Variants in GPR19 observed in about 807,000 individuals in gnomAD.
The protein encoded by GPR19 is G protein-coupled receptor 19.
A neutral mutation model predicts 28.5 loss-of-function variants in GPR19; 14 were observed. The observed-to-expected ratio is 0.49, with a 90% CI of 0.32 to 0.77. The LOEUF (loss-of-function observed/expected upper bound fraction) is 0.77. Ranked by LOEUF, GPR19 falls within the 30% of genes least tolerant of loss-of-function variation. The pLI, the probability that GPR19 is intolerant of heterozygous loss-of-function variation, is 0.03. For synonymous variants in GPR19, 173 were observed against 184.1 expected (o/e 0.94, Z 0.49); for missense variants, 409 against 504.1 (o/e 0.81, Z 1.81).
At chr12:12,665,819 C>CAAAAAAAAAAAAAAAAAA (rs528302150) in intron 3 of GPR19, among the ~76,000 whole-genome samples, 5 of 75,736 alleles carry the variant, frequency 6.6e-5, no homozygotes, top group South Asian at 6.5e-4. Context: ...GACTCCGTCT[C>CAAAAAAAAAAAAAAAAAA]AAAAAAAAAA....
intron 3 of GPR19, among the ~76,000 whole-genome samples, chr12:12,670,236 A>C (rs935729879): frequency 1.8e-4 from 28 of 152,342 alleles, no homozygotes; most frequent in African/African-American, 6.5e-4. Flanking sequence ...TTTTTGTAAA[A>C]GTATGTCCCA....
At chr12:12,711,947 T>C in the GPR19 span, among the ~76,000 whole-genome samples, 1 of 152,184 alleles carries the variant, frequency 6.6e-6, no homozygotes, top group African/African-American at 2.4e-5. Flanking sequence ...GAATAACTCA[T>C]CATCCTCCAA....
chr12:12,674,641 G>A (rs926354615), intron 3 of GPR19, among the ~76,000 whole-genome samples: 3 of 152,110 alleles, frequency 2.0e-5, no homozygotes, highest in African/African-American at 4.8e-5. Context: ...AGATATCCAC[G>A]TAGAGATATC....
At chr12:12,669,696 C>T (rs541552307) in intron 3 of GPR19, among the ~76,000 whole-genome samples, 1 of 152,272 alleles carries the variant, frequency 6.6e-6, no homozygotes, top group East Asian at 1.9e-4. Context: ...TTTTTCCCCC[C>T]TCTGCAGAGC....
chr12:12,711,898 C>T, the GPR19 span, among the ~76,000 whole-genome samples: 2 of 152,306 alleles, frequency 1.3e-5, no homozygotes, highest in East Asian at 3.9e-4. Context: ...CTTTCCATTT[C>T]CTCTATAGCA....
chr12:12,705,664 C>T, the GPR19 span, among the ~76,000 whole-genome samples: 1 of 152,024 alleles, frequency 6.6e-6, no homozygotes, highest in Non-Finnish European at 1.5e-5. Context: ...CCTCTCACCT[C>T]AGCCTCCCCA....
chr12:12,662,859 A>C (rs181890011), intron 3 of GPR19, among the ~76,000 whole-genome samples: 5 of 152,360 alleles, frequency 3.3e-5, no homozygotes, highest in Admixed American at 3.3e-4. Flanking sequence ...ATTCTGGGCA[A>C]GTATGTGAGA....
the GPR19 span, among the ~76,000 whole-genome samples, chr12:12,707,065 C>T: frequency 1.3e-4 from 19 of 147,818 alleles, no homozygotes; most frequent in South Asian, 1.3e-3. Context: ...GACTTCATCT[C>T]CTACTCCCCA....
chr12:12,707,002 T>C, the GPR19 span, among the ~76,000 whole-genome samples: 5 of 152,204 alleles, frequency 3.3e-5, no homozygotes, highest in Non-Finnish European at 5.9e-5. Flanking sequence ...AATCCAGCCT[T>C]TACCATGGCT....
At chr12:12,691,619 T>C (rs1188201742) in intron 2 of GPR19, among the ~76,000 whole-genome samples, 2 of 152,218 alleles carry the variant, frequency 1.3e-5, no homozygotes, top group African/African-American at 4.8e-5. Flanking sequence ...CGATTGCATA[T>C]GTCATATTGC....
At chr12:12,705,463 C>T in the GPR19 span, among the ~76,000 whole-genome samples, 1 of 152,152 alleles carries the variant, frequency 6.6e-6, no homozygotes, top group South Asian at 2.1e-4. Context: ...GAGAGACTCA[C>T]AAGCAAAGCT....
At chr12:12,677,332 G>A (rs936830073) in intron 3 of GPR19, among the ~76,000 whole-genome samples, 15 of 151,472 alleles carry the variant, frequency 9.9e-5, no homozygotes, top group South Asian at 8.4e-4. Flanking sequence ...TCAGCCTCCT[G>A]AATAGCTGGG....
At position 12,665,863 on chromosome 12, in the gene GPR19, G is replaced by A. The variant is rs148233689; in HGVS notation, c.-22-3393C>T. ...AAAAAAAAAAAGAAAACAAAGATACGTAAGCAGTGTGCCATATTATAACTC... is the reference window on the plus strand; with the variant it reads ...AAAAAAAAAAAGAAAACAAAGATACATAAGCAGTGTGCCATATTATAACTC... On this transcript the variant is annotated intron_variant, in intron 3 of 3. Transcript: ENST00000651487. 3.7e-3 allele frequency among the ~76,000 whole-genome samples: 536 copies of A among 143,182 alleles called. 1 individual carries two copies. The highest frequency in any genetic ancestry group is 5.7e-3 in the Non-Finnish European group (377 of 66,352). The allele number at this position is 143,182 out of a possible 152,430, so 93.9% of individuals were successfully genotyped here. A position where few individuals can be genotyped will look rare whatever the true frequency, so the allele number is the denominator to read the frequency against.
chr12:12,676,195 A>C (rs1489640458), intron 3 of GPR19, among the ~76,000 whole-genome samples: 1 of 152,226 alleles, frequency 6.6e-6, no homozygotes, highest in Non-Finnish European at 1.5e-5. Context: ...AATTCTGATT[A>C]TAAGCACTGA....
chr12:12,715,878 G>A, the GPR19 span: 1 of 152,250 alleles, frequency 6.6e-6, no homozygotes, highest in East Asian at 1.9e-4. Flanking sequence ...GAGCGTATGA[G>A]ATGAGGTAGG....
At chr12:12,680,271 G>A (rs184685123) in intron 3 of GPR19, among the ~76,000 whole-genome samples, 3 of 152,356 alleles carry the variant, frequency 2.0e-5, no homozygotes, top group African/African-American at 7.2e-5. Context: ...CCTGCCGTCT[G>A]TGGACATTGA....
At chr12:12,682,112 A>C (rs887290536) in intron 3 of GPR19, among the ~76,000 whole-genome samples, 1 of 152,246 alleles carries the variant, frequency 6.6e-6, no homozygotes, top group African/African-American at 2.4e-5. Context: ...AACTGTTTCA[A>C]CGCTGGGAGA....
At chr12:12,688,371 A>C (rs1946125279) in intron 2 of GPR19, 1 of 152,164 alleles carries the variant, frequency 6.6e-6, no homozygotes. Flanking sequence ...TAAAAAGGCA[A>C]GGGTTGGAGA....
chr12:12,666,059 G>A (rs1301594245), intron 3 of GPR19, among the ~76,000 whole-genome samples: 6 of 152,082 alleles, frequency 3.9e-5, no homozygotes, highest in Admixed American at 2.6e-4. Flanking sequence ...ACTTCTTCAG[G>A]AAGACAAGTG....
Sources: gnomAD v4.1 joint callset for allele counts (sites outside exome capture counted in the v4.1 genomes callset) on GRCh38, gnomAD v4.1.1 for gene constraint, MANE v1.5 for transcripts, NCBI Gene and HGNC (gene_info 2026-07-23, HGNC 2026-07-21) for gene names.